ZFPM2: variants seen among roughly 807,000 people sequenced by gnomAD.
ZFPM2 encodes the protein zinc finger protein, FOG family member 2.
Under a neutral mutation model 98.6 loss-of-function variants are expected in ZFPM2, and 20 were observed. The observed-to-expected ratio is 0.20, with a 90% CI of 0.14 to 0.29. The LOEUF (loss-of-function observed/expected upper bound fraction) is 0.29. Ranked by LOEUF, ZFPM2 falls within the 10% of genes least tolerant of loss-of-function variation. ZFPM2 has a pLI of 1.00. For missense variants in ZFPM2, 1,310 were observed against 1,388.6 expected (o/e 0.94, Z 0.90); for synonymous variants, 518 against 502.7 (o/e 1.03, Z -0.41).
In ZFPM2 at chr8:105,375,500, G is replaced by C. The variant is rs188674012; in HGVS notation, c.41-43644G>C. Among the ~76,000 whole-genome samples the C allele has an allele frequency of 9.2e-4, 140 of 152,290 alleles. 1 individual carries two copies. Among genetic ancestry groups the C allele is most frequent in the Non-Finnish European group, 1.2e-3 (84 of 68,022 alleles). On this transcript the variant is annotated intron_variant, in intron 1 of 7. Coordinates refer to ENST00000407775, the MANE Select transcript of ZFPM2 (RefSeq NM_012082.4). ...CTAGTGCAGTAGCAAAGAAGGAAGA[G>C]AGAATCGCACCTTTCTCTATGACCT...
intron 2 of ZFPM2, among the ~76,000 whole-genome samples, chr8:105,428,658 A>G (rs796680878): frequency 2.6e-5 from 4 of 152,184 alleles, no homozygotes; most frequent in Non-Finnish European, 4.4e-5. Context: ...CCTTGTAGAA[A>G]TGTTTGCAAA....
In ZFPM2 at chr8:105,798,938, T is replaced by G. The variant is rs746256688; in HGVS notation, c.954T>G (p.Asn318Lys). 1 of 1,613,776 alleles carries G rather than the reference T, an allele frequency of 6.2e-7. No homozygotes were observed. The highest frequency in any genetic ancestry group is 8.5e-7 in the Non-Finnish European group (1 of 1,179,668). Residue 318 changes from asparagine (N) to lysine (K), a missense_variant, in exon 7 of 8, where the codon AAT becomes AAG. By Grantham distance (94) the Asn-to-Lys change is moderately conservative. Coordinates refer to ENST00000407775, the MANE Select transcript of ZFPM2 (RefSeq NM_012082.4). ...CTCGAGCTCTAGAAATGCACCTGAA[T>G]TCACACAGTGGTAAATGCCCCTTTT... ...SNARALEMHL[N>K]SHSGVKMEEF...
chr8:105,555,542 G>A (rs1409579637), intron 3 of ZFPM2, among the ~76,000 whole-genome samples: 1 of 151,982 alleles, frequency 6.6e-6, no homozygotes, highest in Admixed American at 6.6e-5. Context: ...TGTTCCATTT[G>A]TATTTTTCAA....
At chr8:105,657,977 A>AT (rs1817317098) in intron 5 of ZFPM2, among the ~76,000 whole-genome samples, 1 of 152,160 alleles carries the variant, frequency 6.6e-6, no homozygotes, top group East Asian at 1.9e-4. Flanking sequence ...AGACTCATTC[A>AT]TGTTTTTTTG....
At chr8:105,486,698 A>T (rs1052023949) in intron 3 of ZFPM2, among the ~76,000 whole-genome samples, 6 of 152,330 alleles carry the variant, frequency 3.9e-5, no homozygotes, top group African/African-American at 1.4e-4. Context: ...GAGAAATTTC[A>T]GATTCAGGGA....
chr8:105,369,638 G>T (rs1270719581), intron 1 of ZFPM2, among the ~76,000 whole-genome samples: 1 of 152,068 alleles, frequency 6.6e-6, no homozygotes, highest in African/African-American at 2.4e-5. Context: ...TCTTCTCTTT[G>T]TTCTGTCAGT....
chr8:105,434,242 T>C (rs1274286201), intron 2 of ZFPM2, among the ~76,000 whole-genome samples: 1 of 152,174 alleles, frequency 6.6e-6, no homozygotes, highest in Non-Finnish European at 1.5e-5. Flanking sequence ...CATGTTTTTA[T>C]TTTTGTTCCT....
intron 3 of ZFPM2, among the ~76,000 whole-genome samples, chr8:105,499,637 C>T (rs1390703145): frequency 6.6e-6 from 1 of 151,974 alleles, no homozygotes; most frequent in Middle Eastern, 3.2e-3. Flanking sequence ...TCTTTCATAT[C>T]CCACAGATAC....
At chr8:105,694,231 C>G (rs140120070) in intron 5 of ZFPM2, among the ~76,000 whole-genome samples, 2,825 of 151,818 alleles carry the variant, frequency 0.019, 79 homozygotes, top group African/African-American at 0.061. Flanking sequence ...TGTGATCTGC[C>G]CCCCGCGGCC....
chr8:105,582,389 T>C (rs555246915), intron 4 of ZFPM2, among the ~76,000 whole-genome samples: 48 of 152,050 alleles, frequency 3.2e-4, no homozygotes, highest in African/African-American at 1.1e-3. Flanking sequence ...TTTGGCAAAG[T>C]GAGTGTGAGG....
chr8:105,469,732 T>G (rs1812861500), intron 3 of ZFPM2, among the ~76,000 whole-genome samples: 1 of 152,210 alleles, frequency 6.6e-6, no homozygotes. Context: ...TTTTAAAAAT[T>G]TTACCTGTGT....
intron 3 of ZFPM2, among the ~76,000 whole-genome samples, chr8:105,547,278 C>T (rs1247592785): frequency 2.6e-5 from 4 of 151,946 alleles, no homozygotes; most frequent in African/African-American, 9.7e-5. Flanking sequence ...CCTGGTGGCT[C>T]ACACCTGTAA....
At chr8:105,423,680 A>G (rs1175626289) in intron 2 of ZFPM2, among the ~76,000 whole-genome samples, 1 of 152,188 alleles carries the variant, frequency 6.6e-6, no homozygotes, top group Non-Finnish European at 1.5e-5. Context: ...CCAGACATGG[A>G]AGTACATCAG....
chr8:105,388,116 T>C (rs1811037889), intron 1 of ZFPM2, among the ~76,000 whole-genome samples: 2 of 152,200 alleles, frequency 1.3e-5, no homozygotes, highest in South Asian at 4.1e-4. Flanking sequence ...TGAATACTCC[T>C]GCCCTCAAGG....
intron 4 of ZFPM2, among the ~76,000 whole-genome samples, chr8:105,594,485 A>G (rs1445274951): frequency 6.6e-6 from 1 of 152,148 alleles, no homozygotes; most frequent in Non-Finnish European, 1.5e-5. Context: ...TTTTATGTAT[A>G]GTAAGTGGTT....
chr8:105,706,434 A>C (rs1738108232), intron 5 of ZFPM2, among the ~76,000 whole-genome samples: 1 of 152,130 alleles, frequency 6.6e-6, no homozygotes. Flanking sequence ...TCAAAGGATT[A>C]CTCTAAAACA....
intron 5 of ZFPM2, among the ~76,000 whole-genome samples, chr8:105,763,184 G>C (rs903930566): frequency 1.3e-5 from 2 of 150,822 alleles, no homozygotes; most frequent in African/African-American, 4.9e-5. Context: ...AATTATGTAA[G>C]TCTCAAGAGT....
intron 5 of ZFPM2, among the ~76,000 whole-genome samples, chr8:105,673,411 A>G (rs1172108538): frequency 6.6e-6 from 1 of 152,114 alleles, no homozygotes; most frequent in African/African-American, 2.4e-5. Context: ...TAAGTTTTAA[A>G]TCATTCATGT....
At chr8:105,585,023 A>G (rs1815682119) in intron 4 of ZFPM2, among the ~76,000 whole-genome samples, 2 of 152,206 alleles carry the variant, frequency 1.3e-5, no homozygotes, top group Admixed American at 1.3e-4. Flanking sequence ...GGTGGAATAA[A>G]TAATAGTGCT....
Sources: allele counts gnomAD v4.1 joint callset (sites outside exome capture counted in the v4.1 genomes callset), GRCh38; gene constraint gnomAD v4.1.1; transcripts MANE v1.5; gene names NCBI Gene and HGNC (gene_info 2026-07-23, HGNC 2026-07-21).